Variants in C12orf42 observed in about 807,000 individuals in gnomAD.
C12orf42 encodes the protein chromosome 12 open reading frame 42.
In C12orf42, 25 loss-of-function variants were observed where a neutral mutation model predicts 21.6. The ratio of observed to expected loss-of-function variants is 1.16; its 90% CI spans 0.84 to 1.62. The LOEUF is 1.62. Ranked by LOEUF, C12orf42 falls within the 40% of genes most tolerant of loss-of-function variation. C12orf42 has a pLI of 0.00. For missense variants in C12orf42, 483 were observed against 459.3 expected (o/e 1.05, Z -0.47); for synonymous variants, 174 against 175.0 (o/e 0.99, Z 0.05).
intron 4 of C12orf42, chr12:103,277,245 A>G (rs1230830633): frequency 2.3e-6 from 1 of 436,542 alleles, no homozygotes; most frequent in East Asian, 7.3e-5. Context: ...GGGGGATAGA[A>G]AGAATAACTG....
chr12:103,347,057 A>G (rs1219828743), intron 4 of C12orf42, among the ~76,000 whole-genome samples: 1 of 152,042 alleles, frequency 6.6e-6, no homozygotes, highest in Non-Finnish European at 1.5e-5. Flanking sequence ...TGTAATTACC[A>G]CTTTTTTATT....
At chr12:103,335,859 T>C (rs2137130760) in intron 4 of C12orf42, among the ~76,000 whole-genome samples, 1 of 152,280 alleles carries the variant, frequency 6.6e-6, no homozygotes, top group East Asian at 1.9e-4. Flanking sequence ...ACAAGCAAAA[T>C]GCGAATTAGC....
At chr12:103,218,564 C>G in the C12orf42 span, among the ~76,000 whole-genome samples, 24 of 152,178 alleles carry the variant, frequency 1.6e-4, no homozygotes, top group African/African-American at 5.8e-4. Flanking sequence ...ACTCTTGCAT[C>G]TGTCTTAGGT....
intron 2 of C12orf42, among the ~76,000 whole-genome samples, chr12:103,436,083 T>C (rs1213189886): frequency 2.0e-5 from 3 of 151,006 alleles, no homozygotes; most frequent in Admixed American, 2.0e-4. Flanking sequence ...CAGAAGAGAG[T>C]GGTGGCAATT....
At chr12:103,143,116 T>G in the C12orf42 span, among the ~76,000 whole-genome samples, 1 of 152,128 alleles carries the variant, frequency 6.6e-6, no homozygotes, top group South Asian at 2.1e-4. Flanking sequence ...AGGGAATAAC[T>G]AGAAAGGGGA....
At chr12:103,476,158 T>C (rs919336020) in intron 2 of C12orf42, among the ~76,000 whole-genome samples, 1 of 152,160 alleles carries the variant, frequency 6.6e-6, no homozygotes, top group African/African-American at 2.4e-5. Context: ...ACATAGATAA[T>C]GAAAGCAGGC....
At chr12:103,154,563 A>G in the C12orf42 span, among the ~76,000 whole-genome samples, 1 of 152,178 alleles carries the variant, frequency 6.6e-6, no homozygotes, top group Non-Finnish European at 1.5e-5. Context: ...AAGAAATATC[A>G]GTAACATGGA....
chr12:103,271,269 G>C (rs202229983), intron 5 of C12orf42, among the ~76,000 whole-genome samples: 1 of 152,108 alleles, frequency 6.6e-6, no homozygotes, highest in Non-Finnish European at 1.5e-5. Context: ...CAGCTTAACC[G>C]CAACAGCCAC....
chr12:103,449,576 T>C (rs1042139839), intron 2 of C12orf42, among the ~76,000 whole-genome samples: 2 of 152,092 alleles, frequency 1.3e-5, no homozygotes, highest in African/African-American at 4.8e-5. Context: ...TTTTGGTGTG[T>C]AATACCAGCT....
chr12:103,226,715 C>T, the C12orf42 span, among the ~76,000 whole-genome samples: 1 of 152,084 alleles, frequency 6.6e-6, no homozygotes, highest in Non-Finnish European at 1.5e-5. Flanking sequence ...TGGGACCTAG[C>T]TCAGCCTGGT....
intron 4 of C12orf42, among the ~76,000 whole-genome samples, chr12:103,363,640 G>T (rs1385879382): frequency 6.6e-6 from 1 of 152,092 alleles, no homozygotes; most frequent in Admixed American, 6.6e-5. Context: ...TTAAGGTAAA[G>T]GGGTGGAAAG....
intron 4 of C12orf42, among the ~76,000 whole-genome samples, chr12:103,355,580 T>G (rs1307582608): frequency 1.3e-5 from 2 of 152,204 alleles, no homozygotes; most frequent in South Asian, 4.1e-4. Context: ...TACCTCCTCC[T>G]GCTGTATAGC....
the C12orf42 span, among the ~76,000 whole-genome samples, chr12:103,182,538 G>T: frequency 1.8e-3 from 281 of 152,278 alleles, 1 homozygote; most frequent in African/African-American, 6.2e-3. Flanking sequence ...CCTAAGGCAA[G>T]AATTGGGTCA....
intron 4 of C12orf42, among the ~76,000 whole-genome samples, chr12:103,329,553 T>TAAAAA (rs2041030643): frequency 6.7e-6 from 1 of 150,040 alleles, no homozygotes; most frequent in African/African-American, 2.5e-5. Flanking sequence ...AAAATAAAAA[T>TAAAAA]TAAAATTAAA....
chr12:103,064,453 T>C, the C12orf42 span, among the ~76,000 whole-genome samples: 1 of 152,254 alleles, frequency 6.6e-6, no homozygotes, highest in African/African-American at 2.4e-5. Context: ...ACAGTTTTCC[T>C]AGAAGTGAAA....
At chr12:103,436,158 A>T (rs1950690004) in intron 2 of C12orf42, among the ~76,000 whole-genome samples, 1 of 151,564 alleles carries the variant, frequency 6.6e-6, no homozygotes. Context: ...ACTAAGCTTC[A>T]TAAGTGAAGG....
chr12:103,194,103 G>A, the C12orf42 span, among the ~76,000 whole-genome samples: 20 of 150,498 alleles, frequency 1.3e-4, no homozygotes, highest in African/African-American at 4.9e-5. Context: ...TGCAGAAAAA[G>A]CATTTGAAAA....
chr12:103,116,381 A>AAAAAAAATATATATAT, the C12orf42 span, among the ~76,000 whole-genome samples: 1 of 136,700 alleles, frequency 7.3e-6, no homozygotes, highest in African/African-American at 2.7e-5. Context: ...AAAAAAAAAA[A>AAAAAAAATATATATAT]ATATATATAT....
At chr12:103,395,872 T>C (rs953236184) in intron 3 of C12orf42, among the ~76,000 whole-genome samples, 1 of 149,672 alleles carries the variant, frequency 6.7e-6, no homozygotes, top group Non-Finnish European at 1.5e-5. Context: ...TAAAAATATA[T>C]ATACACTATA....
Sources: gnomAD v4.1 joint callset for allele counts (sites outside exome capture counted in the v4.1 genomes callset) on GRCh38, gnomAD v4.1.1 for gene constraint, MANE v1.5 for transcripts, NCBI Gene and HGNC (gene_info 2026-07-23, HGNC 2026-07-21) for gene names.